The following CNBD1 variants were observed in gnomAD, a reference collection of about 807,000 sequenced individuals.
CNBD1 encodes the protein cyclic nucleotide binding domain containing 1.
Under a neutral mutation model 54.4 loss-of-function variants are expected in CNBD1, and 71 were observed. The observed-to-expected ratio is 1.30, with a 90% CI of 1.08 to 1.59. The LOEUF (loss-of-function observed/expected upper bound fraction) is 1.59, where lower values mean the gene tolerates loss of function less well. Ranked by LOEUF, CNBD1 falls within the 40% of genes most tolerant of loss-of-function variation. The pLI, the probability that CNBD1 is intolerant of heterozygous loss-of-function variation, is 0.00. For missense variants in CNBD1, 659 were observed against 518.0 expected, an observed-to-expected ratio of 1.27 and a Z score of -2.64; for synonymous variants, 182 against 170.7, an observed-to-expected ratio of 1.07 and a Z score of -0.51.
chr8:87,071,245 C>T (rs780272238), intron 4 of CNBD1, among the ~76,000 whole-genome samples: 1 of 151,866 alleles, frequency 6.6e-6, no homozygotes, highest in East Asian at 1.9e-4. Context: ...AATTTTTCAC[C>T]ACTTTCTAAA....
intron 4 of CNBD1, among the ~76,000 whole-genome samples, chr8:86,962,027 G>A (rs548951746): frequency 6.6e-6 from 1 of 152,138 alleles, no homozygotes; most frequent in Non-Finnish European, 1.5e-5. Context: ...CTAATAAGTA[G>A]GAATAGCTGG....
chr8:87,218,374 T>C (rs1814257157), intron 5 of CNBD1, among the ~76,000 whole-genome samples: 1 of 152,124 alleles, frequency 6.6e-6, no homozygotes, highest in Non-Finnish European at 1.5e-5. Context: ...GAAATAGATG[T>C]AGTTCATGCA....
intron 4 of CNBD1, among the ~76,000 whole-genome samples, chr8:87,204,385 C>G (rs2130796095): frequency 6.6e-6 from 1 of 152,302 alleles, no homozygotes; most frequent in African/African-American, 2.4e-5. Flanking sequence ...GAAGGCCAAA[C>G]TATTTCATCA....
intron 10 of CNBD1, among the ~76,000 whole-genome samples, chr8:87,371,977 G>A (rs531102275): frequency 6.6e-6 from 1 of 151,832 alleles, no homozygotes; most frequent in African/African-American, 2.4e-5. Context: ...AGTGTTGGAA[G>A]TTCTGGCCAG....
intron 4 of CNBD1, among the ~76,000 whole-genome samples, chr8:86,948,394 T>G (rs2130441896): frequency 6.6e-6 from 1 of 152,270 alleles, no homozygotes; most frequent in Admixed American, 6.5e-5. Context: ...AAGGGTTCCC[T>G]TTTCTCCGCA....
At chr8:87,307,855 A>G (rs1241860648) in intron 8 of CNBD1, among the ~76,000 whole-genome samples, 1 of 151,950 alleles carries the variant, frequency 6.6e-6, no homozygotes, top group African/African-American at 2.4e-5. Context: ...CAATGAAGCA[A>G]GAGAAAAAAT....
chr8:86,992,238 A>G (rs1808769730), intron 4 of CNBD1, among the ~76,000 whole-genome samples: 2 of 151,808 alleles, frequency 1.3e-5, no homozygotes, highest in Admixed American at 1.3e-4. Flanking sequence ...TTTTTTTTTA[A>G]AATTATACGC....
chr8:87,092,767 C>G (rs183616217), intron 4 of CNBD1, among the ~76,000 whole-genome samples: 2 of 152,152 alleles, frequency 1.3e-5, no homozygotes, highest in African/African-American at 4.8e-5. Context: ...TATGTCATCA[C>G]CTCACAGATT....
chr8:87,112,485 A>G (rs1811683914), intron 4 of CNBD1, among the ~76,000 whole-genome samples: 1 of 152,172 alleles, frequency 6.6e-6, no homozygotes. Flanking sequence ...AAACCCTGAC[A>G]GAGAAGCCCT....
At chr8:87,360,040 T>C (rs1015304650) in intron 10 of CNBD1, among the ~76,000 whole-genome samples, 2 of 151,986 alleles carry the variant, frequency 1.3e-5, no homozygotes, top group Admixed American at 1.3e-4. Context: ...TTTCTCCAGG[T>C]ATATGGGTTA....
intron 8 of CNBD1, among the ~76,000 whole-genome samples, chr8:87,339,143 G>T (rs1435122694): frequency 2.0e-5 from 3 of 152,124 alleles, no homozygotes; most frequent in Non-Finnish European, 2.9e-5. Flanking sequence ...ATCTTGTTAA[G>T]GAGAATGAAA....
intron 4 of CNBD1, among the ~76,000 whole-genome samples, chr8:87,042,621 G>A (rs1336880440): frequency 6.6e-6 from 1 of 152,106 alleles, no homozygotes; most frequent in Non-Finnish European, 1.5e-5. Flanking sequence ...CTTTTGGAGA[G>A]TTTTCTGTGA....
chr8:87,138,021 C>T (rs1388205280), intron 4 of CNBD1, among the ~76,000 whole-genome samples: 1 of 151,972 alleles, frequency 6.6e-6, no homozygotes, highest in African/African-American at 2.4e-5. Flanking sequence ...TACATAAAAC[C>T]CCAAAATATC....
chr8:87,405,601 G>A (rs1807638869), intron 2 of CNBD1, among the ~76,000 whole-genome samples: 1 of 152,070 alleles, frequency 6.6e-6, no homozygotes, highest in African/African-American at 2.4e-5. Context: ...GTATTCAGAT[G>A]AGTGAAAAAC....
At chr8:87,191,089 G>C (rs543200127) in intron 4 of CNBD1, among the ~76,000 whole-genome samples, 5 of 151,766 alleles carry the variant, frequency 3.3e-5, no homozygotes, top group African/African-American at 9.7e-5. Flanking sequence ...CTGTAAGCTG[G>C]GGAAAGAAAA....
intron 2 of CNBD1, among the ~76,000 whole-genome samples, chr8:87,427,372 C>A (rs947265208): frequency 6.6e-6 from 1 of 152,014 alleles, no homozygotes; most frequent in African/African-American, 2.4e-5. Context: ...TACACCATGG[C>A]TTTTTATGAA....
chr8:87,063,973 CACTT>C (rs1431220561), intron 4 of CNBD1, among the ~76,000 whole-genome samples: 5 of 151,912 alleles, frequency 3.3e-5, no homozygotes, highest in Non-Finnish European at 7.4e-5. Flanking sequence ...TTGCTAAACT[CACTT>C]GTTAAATCAA....
intron 8 of CNBD1, among the ~76,000 whole-genome samples, chr8:87,341,674 C>G (rs778268948): frequency 2.0e-5 from 3 of 152,228 alleles, no homozygotes; most frequent in Non-Finnish European, 4.4e-5. Flanking sequence ...CCCTCTTGCT[C>G]TCTCTTTTCC....
rs371885835 is a variant in CNBD1, at chr8:87,327,506, G to A, written c.1043-24179G>A. Among the ~76,000 whole-genome samples, 15 of 152,330 alleles carry A rather than the reference G, an allele frequency of 9.8e-5. No homozygotes were observed. The East Asian group carries it at 1.9e-3, about 20-fold the overall frequency. ...ACCAGGTGTGGGATATAGTTTCGTG[G>A]TGCGCCGTTTTTTAAGCCGGTCTGA... On this transcript the variant is annotated intron_variant, in intron 8 of 10. Coordinates refer to ENST00000518476, the MANE Select transcript of CNBD1 (RefSeq NM_173538.3).
Sources: allele counts gnomAD v4.1 joint callset (sites outside exome capture counted in the v4.1 genomes callset), GRCh38; gene constraint gnomAD v4.1.1; transcripts MANE v1.5; gene names NCBI Gene and HGNC (gene_info 2026-07-23, HGNC 2026-07-21).